The following SLC25A48 variants were observed in gnomAD, a reference collection of about 807,000 sequenced individuals.
SLC25A48 encodes the protein CTC-321K16.1.
A neutral mutation model predicts 32.2 loss-of-function variants in SLC25A48; 29 were observed. That is an observed-to-expected ratio of 0.90 (90% CI 0.67 to 1.23). The LOEUF (loss-of-function observed/expected upper bound fraction) is 1.23. Among genes scored for constraint, SLC25A48 ranks in the 50% most tolerant of loss-of-function variants. The pLI is 0.00. For synonymous variants in SLC25A48, 164 were observed against 172.3 expected (o/e 0.95, Z 0.38); for missense variants, 399 against 422.7 (o/e 0.94, Z 0.49).
intron 1 of SLC25A48, 22 bp from the exon 2 acceptor site, chr5:135,842,394 G>A: frequency 6.2e-7 from 1 of 1,613,608 alleles, no homozygotes; most frequent in Non-Finnish European, 8.5e-7. Context: ...TGAGTTACTA[G>A]GCATTCTTTT....
chr5:135,659,873 A>C (rs1753350383), intron 3 of SLC25A48, among the ~76,000 whole-genome samples: 1 of 152,196 alleles, frequency 6.6e-6, no homozygotes, highest in African/African-American at 2.4e-5. Flanking sequence ...TCATTATCAC[A>C]AGAACAGCAA....
At chr5:135,810,751 A>G (rs1175493043) in intron 3 of SLC25A48, among the ~76,000 whole-genome samples, 1 of 152,216 alleles carries the variant, frequency 6.6e-6, no homozygotes, top group Non-Finnish European at 1.5e-5. Flanking sequence ...GCAAGGGTAG[A>G]ACAAAGAGCA....
intron 3 of SLC25A48, among the ~76,000 whole-genome samples, chr5:135,642,488 G>T (rs576899960): frequency 1.3e-5 from 2 of 152,322 alleles, no homozygotes; most frequent in African/African-American, 4.8e-5. Context: ...GCTCAAAGAG[G>T]TCTACAGCAT....
chr5:135,757,022 A>T (rs1300492881), intron 3 of SLC25A48, among the ~76,000 whole-genome samples: 1 of 150,482 alleles, frequency 6.6e-6, no homozygotes, highest in African/African-American at 2.4e-5. Context: ...TAGTATTAAC[A>T]CTATATTAAT....
intron 1 of SLC25A48, among the ~76,000 whole-genome samples, chr5:135,596,090 C>T (rs979422018): frequency 6.6e-6 from 1 of 152,200 alleles, no homozygotes; most frequent in African/African-American, 2.4e-5. Flanking sequence ...AACAAGTCTG[C>T]ACAATTCGTG....
intron 5 of SLC25A48, 116 bp downstream of exon 5, chr5:135,871,834 A>G: frequency 6.5e-7 from 1 of 1,539,828 alleles, no homozygotes; most frequent in Non-Finnish European, 8.8e-7. Context: ...TTAGGTACTC[A>G]CCCAACAATT....
At chr5:135,597,904 T>A (rs1751692835) in intron 1 of SLC25A48, among the ~76,000 whole-genome samples, 1 of 152,088 alleles carries the variant, frequency 6.6e-6, no homozygotes. Context: ...CTCGGGAGGC[T>A]GAGGCAGGAG....
chr5:135,687,344 A>G (rs1754040358), intron 3 of SLC25A48, among the ~76,000 whole-genome samples: 1 of 152,218 alleles, frequency 6.6e-6, no homozygotes, highest in African/African-American at 2.4e-5. Context: ...TGATTTTACA[A>G]TGGCACTTAG....
At chr5:135,713,697 C>T (rs551583968) in intron 3 of SLC25A48, among the ~76,000 whole-genome samples, 1 of 152,298 alleles carries the variant, frequency 6.6e-6, no homozygotes, top group Non-Finnish European at 1.5e-5. Flanking sequence ...CTGTAGCAGA[C>T]AGATTTGAGT....
At chr5:135,841,810 T>G (rs1248100781) in intron 1 of SLC25A48, among the ~76,000 whole-genome samples, 2 of 152,180 alleles carry the variant, frequency 1.3e-5, no homozygotes, top group African/African-American at 2.4e-5. Flanking sequence ...TAAGGGCTAT[T>G]TTCTTACCCT....
chr5:135,767,834 C>T (rs1157780288), intron 3 of SLC25A48, among the ~76,000 whole-genome samples: 1 of 151,354 alleles, frequency 6.6e-6, no homozygotes, highest in Non-Finnish European at 1.5e-5. Flanking sequence ...ATATTACTCC[C>T]AATATCGCAG....
At chr5:135,738,846 C>G (rs2126998349) in intron 3 of SLC25A48, among the ~76,000 whole-genome samples, 1 of 152,304 alleles carries the variant, frequency 6.6e-6, no homozygotes, top group African/African-American at 2.4e-5. Context: ...TTTTGGGAGG[C>G]CGAGGCAGGC....
chr5:135,769,601 A>G (rs1430530049), intron 3 of SLC25A48, among the ~76,000 whole-genome samples: 2 of 151,728 alleles, frequency 1.3e-5, no homozygotes, highest in Non-Finnish European at 2.9e-5. Context: ...CAGGGGATGT[A>G]CAACCCCCTG....
chr5:135,758,372 T>G (rs967682606), intron 3 of SLC25A48, among the ~76,000 whole-genome samples: 6 of 150,780 alleles, frequency 4.0e-5, no homozygotes, highest in Admixed American at 1.3e-4. Flanking sequence ...ATATCTCTAG[T>G]GTTAACATAC....
chr5:135,601,518 C>T (rs1458577536), intron 1 of SLC25A48, among the ~76,000 whole-genome samples: 2 of 152,190 alleles, frequency 1.3e-5, no homozygotes, highest in East Asian at 3.9e-4. Context: ...GTCTACAACT[C>T]CTAGGAGAAA....
chr5:135,714,099 AT>A (rs1326458101), intron 3 of SLC25A48, among the ~76,000 whole-genome samples: 1 of 152,106 alleles, frequency 6.6e-6, no homozygotes, highest in Non-Finnish European at 1.5e-5. Context: ...CACCCCTACC[AT>A]TCCCTGGGGG....
intron 3 of SLC25A48, among the ~76,000 whole-genome samples, chr5:135,805,259 C>T (rs773506320): frequency 4.6e-5 from 7 of 150,694 alleles, no homozygotes; most frequent in Non-Finnish European, 8.9e-5. Flanking sequence ...TTTGTAATGT[C>T]CTAGGCAGAT....
At chr5:135,844,857 T>C (rs191089938) in intron 2 of SLC25A48, among the ~76,000 whole-genome samples, 1 of 152,276 alleles carries the variant, frequency 6.6e-6, no homozygotes, top group African/African-American at 2.4e-5. Flanking sequence ...GCATGCTCAG[T>C]CCCTGACCAT....
chr5:135,700,175 C>T (rs939397621), intron 3 of SLC25A48, among the ~76,000 whole-genome samples: 1 of 151,890 alleles, frequency 6.6e-6, no homozygotes, highest in Admixed American at 6.6e-5. Flanking sequence ...AGTTCGAGAT[C>T]AGCCTGGCCA....
Sources: allele counts gnomAD v4.1 joint callset (sites outside exome capture counted in the v4.1 genomes callset), GRCh38; gene constraint gnomAD v4.1.1; transcripts MANE v1.5; gene names NCBI Gene and HGNC (gene_info 2026-07-23, HGNC 2026-07-21).